The following HECTD4 variants were observed in gnomAD, a reference collection of about 807,000 sequenced individuals.
HECTD4 encodes HECT domain E3 ubiquitin protein ligase 4, also known as probable E3 ubiquitin-protein ligase HECTD4.
In HECTD4, 114 loss-of-function variants were observed where a neutral mutation model predicts 471.5. That is an observed-to-expected ratio of 0.24 (90% CI 0.21 to 0.28). HECTD4 has a LOEUF of 0.28. HECTD4 is among the 10% of genes least tolerant of loss of function. HECTD4 has a pLI of 1.00. For synonymous variants in HECTD4, 2,012 were observed against 2,256.0 expected, an observed-to-expected ratio of 0.89 and a Z score of 3.07; for missense variants, 3,866 against 5,651.5, an observed-to-expected ratio of 0.68 and a Z score of 10.13.
rs1273284544 is a variant in HECTD4 at position 112,193,699 on chromosome 12, T to C, written c.8750-25A>G. ...TCTGGGGACGGAAAGGAAACAGAAG[T>C]TGACAAGAATCAAAGCAGCCAGTAG... On this transcript the variant is annotated intron_variant, in intron 56 of 75. Transcript: ENST00000682272. The surrounding 1 kb of genome is among the most constrained non-coding windows in gnomAD (Gnocchi z 5.2). 1.3e-6 allele frequency: 2 copies of C among 1,592,428 alleles called. No homozygotes were observed. The highest frequency in any genetic ancestry group is 1.7e-6 in the Non-Finnish European group (2 of 1,168,692).
chr12:112,294,547 C>T lies in HECTD4; in HGVS notation c.1336-11245G>A, dbSNP rs372118169. ...ATTTCCATGTCCCCACAGTCCATTC[C>T]ATCATCCCCCTCCGATTTCTCTCCT... is the stretch of plus-strand genomic sequence containing the variant. On this transcript the variant is annotated intron_variant, in intron 7 of 75. Coordinates refer to ENST00000682272, the MANE Select transcript of HECTD4 (RefSeq NM_001388303.1). 2.7e-4 allele frequency among the ~76,000 whole-genome samples: 41 copies of T among 152,146 alleles called. 1 individual carries two copies. In the East Asian group the frequency reaches 7.5e-3, roughly 28 times the overall value.
intron 1 of HECTD4, among the ~76,000 whole-genome samples, chr12:112,376,756 C>T (rs1327265783): frequency 6.6e-6 from 1 of 152,168 alleles, no homozygotes; most frequent in Admixed American, 6.6e-5. Flanking sequence ...GGTATACTCC[C>T]TCCCTCCCTT....
rs374064102 is a variant in HECTD4, at chr12:112,204,539, A to G, written c.8216T>C (p.Ile2739Thr). The change falls in exon 53 of 76, where the codon ATT (isoleucine) becomes ACT (threonine). Residue 2739 changes from isoleucine (I) to threonine (T), a missense_variant. Transcript: ENST00000682272. ...GTTTGCTTCGTCTTTAATGTCTTCA[A>G]TGGTGGGAAGATAAAGGTCTCTTGG... is the stretch of plus-strand genomic sequence containing the variant. Reference protein sequence around the residue: ...GIPRDLYLPTIEDIKDEANKF... With the variant: ...GIPRDLYLPTTEDIKDEANKF... The G allele has an allele frequency of 2.5e-6, 4 of 1,613,598 alleles. No individual in the cohort carries two copies. Among genetic ancestry groups the G allele is most frequent in the African/African-American group, 2.7e-5 (2 of 74,930 alleles).
rs71956504 is a variant in HECTD4, at chr12:112,217,336, TACACACACAC to T, written c.7075-151_7075-142del. On this transcript the variant is annotated intron_variant, in intron 45 of 75. Coordinates refer to ENST00000682272, the MANE Select transcript of HECTD4 (RefSeq NM_001388303.1). ...ACACACATACACACACACACACACA[TACACACACAC>T]ACACACACACAATTTATTTATTTAG... 10 of 409,680 alleles carry T rather than the reference TACACACACAC, an allele frequency of 2.4e-5. No homozygotes were observed. In the East Asian group the frequency reaches 2.5e-4, roughly 10 times the overall value. The allele number at this position is 409,680 out of a possible 1,614,324, so 25.4% of individuals were successfully genotyped here. A position where few individuals can be genotyped will look rare whatever the true frequency, so the allele number is the denominator to read the frequency against.
At chr12:112,192,846 G>C (rs1308459543) in intron 58 of HECTD4, 81 bp from the exon 59 acceptor site, 1 of 1,305,404 alleles carries the variant, frequency 7.7e-7, no homozygotes, top group Non-Finnish European at 1.1e-6. Context: ...TCTCACCAGG[G>C]GACGTTAGAT....
Position 112,319,875 on chromosome 12 carries a change from G to T in HECTD4, c.178-133C>A. ...TTTTAATTACAATCAAATGGAAAAC[G>T]TATACTGTAAAGCCAGCTCTTTGCT... On this transcript the variant is annotated intron_variant, in intron 1 of 75. Transcript: ENST00000682272. The surrounding 1 kb of genome is among the most constrained non-coding windows in gnomAD (Gnocchi z 5.3). 1.6e-6 allele frequency: 1 copy of T among 612,552 alleles called. No individual in the cohort carries two copies. The highest frequency in any genetic ancestry group is 2.4e-6 in the Non-Finnish European group (1 of 421,818). 37.9% of individuals were successfully genotyped at this position (612,552 alleles called of 1,614,324 possible).
intron 8 of HECTD4, 132 bp from the exon 9 acceptor site, chr12:112,279,518 G>A: frequency 1.3e-6 from 1 of 764,946 alleles, no homozygotes; most frequent in Non-Finnish European, 2.0e-6. Flanking sequence ...TTCCAGATTA[G>A]GAAAACAGAA....
intron 7 of HECTD4, among the ~76,000 whole-genome samples, chr12:112,294,206 A>C (rs988378106): frequency 1.3e-5 from 2 of 152,174 alleles, no homozygotes; most frequent in African/African-American, 4.8e-5. Flanking sequence ...AGCACTTATC[A>C]ATACTCCTAA....
In HECTD4 at chr12:112,273,673, T is replaced by C. The variant is rs755761020; in HGVS notation, c.1924A>G (p.Ile642Val). 4 of 1,613,974 alleles carry C rather than the reference T, an allele frequency of 2.5e-6. No individual in the cohort carries two copies. In the Admixed American group the frequency reaches 6.7e-5, roughly 27 times the overall value. Residue 642 changes from isoleucine (I) to valine (V), a missense_variant, in exon 11 of 76, where the codon ATT (isoleucine) becomes GTT (valine). Ile to Val is a conservative substitution (Grantham distance 29). Around this residue, in one of 16 missense-constraint regions of HECTD4, gnomAD observed 525 missense variants for 672.6 expected, o/e 0.78. Transcript: ENST00000682272. The stretch of plus-strand genomic sequence containing the variant: ...ACCTCACCTTTGGGCTCAGTGATAA[T>C]GTGACTGACTCCAAGTCTCTGGCAG... ...YVCQRLGVSHIITEPKEEAIT... is the reference protein window; with the variant it reads ...YVCQRLGVSHVITEPKEEAIT...
Position 112,382,251 on chromosome 12 carries a change from T to A in HECTD4, c.-123A>T. 1 of 836,870 alleles carries A rather than the reference T, an allele frequency of 1.2e-6. No homozygotes were observed. Among genetic ancestry groups the A allele is most frequent in the Non-Finnish European group, 1.6e-6 (1 of 638,560 alleles). 51.8% of individuals were successfully genotyped at this position (836,870 alleles called of 1,614,324 possible). A position where few individuals can be genotyped will look rare whatever the true frequency, so the allele number is the denominator to read the frequency against. On this transcript the variant is annotated 5_prime_UTR_variant, in exon 1 of 76. Coordinates refer to ENST00000682272, the MANE Select transcript of HECTD4 (RefSeq NM_001388303.1). Reference sequence around the variant, plus strand: ...CGCCCGCCAGCGGCGCCCCACTTGCTGCCTCGCCCGTGCAACTCCGCCCTA... The same window carrying A: ...CGCCCGCCAGCGGCGCCCCACTTGCAGCCTCGCCCGTGCAACTCCGCCCTA...
chr12:112,184,633 T>G lies in HECTD4; in HGVS notation c.10333A>C (p.Lys3445Gln), dbSNP rs758141815. The change falls in exon 61 of 76, where the codon AAA (lysine) becomes CAA (glutamine). Residue 3445 changes from lysine to glutamine, a missense_variant. Lys to Gln is a moderately conservative substitution (Grantham distance 53). Transcript: ENST00000682272. This position sits in a 1 kb window ranked among gnomAD's most constrained non-coding sequence, Gnocchi z 9.1. ...PLQEEDTKKP[K>Q]DKAEGGDGKV... Reference sequence around the variant, plus strand: ...CCGTCCCCGCCCTCGGCCTTGTCTTTTGGCTTCTTGGTGTCTTCTTCCTGC... The same window carrying G: ...CCGTCCCCGCCCTCGGCCTTGTCTTGTGGCTTCTTGGTGTCTTCTTCCTGC... 4.0e-5 allele frequency: 64 copies of G among 1,613,794 alleles called. No individual in the cohort carries two copies. The highest frequency in any genetic ancestry group is 5.3e-5 in the Non-Finnish European group (62 of 1,179,886).
At chr12:112,209,969 G>A (rs933829225) in intron 50 of HECTD4, 46 bp downstream of exon 50, 67 of 1,446,512 alleles carry the variant, frequency 4.6e-5, no homozygotes, top group Non-Finnish European at 5.9e-5. Flanking sequence ...TAACATTCAT[G>A]GTCTCAGGAA....
chr12:112,264,016 A>G (rs1043174370), intron 17 of HECTD4, 68 bp downstream of exon 17: 4 of 1,440,894 alleles, frequency 2.8e-6, no homozygotes, highest in Non-Finnish European at 3.7e-6. Context: ...AAAACACAGA[A>G]ATTTAGCCAA....
intron 1 of HECTD4, among the ~76,000 whole-genome samples, chr12:112,376,453 A>G (rs1315010511): frequency 2.0e-5 from 3 of 151,858 alleles, no homozygotes; most frequent in South Asian, 2.1e-4. Flanking sequence ...TCACCGTGTT[A>G]GCCAGGATGG....
At chr12:112,329,444 T>G (rs1218491483) in intron 1 of HECTD4, among the ~76,000 whole-genome samples, 2 of 151,818 alleles carry the variant, frequency 1.3e-5, no homozygotes, top group African/African-American at 4.8e-5. Context: ...CTCAGCTTAT[T>G]GCAACCTCCG....
chr12:112,171,942 T>C (rs1269028633), intron 67 of HECTD4, among the ~76,000 whole-genome samples: 1 of 152,220 alleles, frequency 6.6e-6, no homozygotes, highest in Non-Finnish European at 1.5e-5. Flanking sequence ...TTGCTCTTGT[T>C]GCCCAGGCTG....
At chr12:112,250,028 G>T in intron 25 of HECTD4, 116 bp downstream of exon 25, 1 of 761,558 alleles carries the variant, frequency 1.3e-6, no homozygotes. Context: ...TAACATTCAT[G>T]GAGTAAACAT....
Position 112,248,064 on chromosome 12 carries a change from C to T in HECTD4, c.4248+3G>A, listed in dbSNP as rs374961373. 138 of 1,607,498 alleles carry T rather than the reference C, an allele frequency of 8.6e-5. No homozygotes were observed. The highest frequency in any genetic ancestry group is 4.7e-4 in the East Asian group (21 of 44,768). On this transcript the variant is annotated splice_donor_region_variant and intron_variant, in intron 27 of 75. Coordinates refer to ENST00000682272, the MANE Select transcript of HECTD4 (RefSeq NM_001388303.1). ...CCAGTGACAAATCATACAATTTGCT[C>T]ACCTCATTAAAATGGTAATCATAAA... is the stretch of plus-strand genomic sequence containing the variant.
Position 112,314,513 on chromosome 12 carries a change from A to T in HECTD4, c.729T>A (p.His243Gln), listed in dbSNP as rs983226278. Reference protein sequence around the residue: ...GSLKTFVHTVHLLQKQTDLGS... With the variant: ...GSLKTFVHTVQLLQKQTDLGS... ...CTAGATCCGTCTGTTTCTGTAATAGATGGACTGTGTGGACGAAAGTTTTCA... is the reference window on the plus strand; with the variant it reads ...CTAGATCCGTCTGTTTCTGTAATAGTTGGACTGTGTGGACGAAAGTTTTCA... The change falls in exon 3 of 76, where the codon CAT (histidine) becomes CAA (glutamine). Residue 243 changes from histidine (H) to glutamine (Q), a missense_variant. Around this residue, in one of 16 missense-constraint regions of HECTD4, gnomAD observed 440 missense variants for 636.0 expected, o/e 0.69. Coordinates refer to ENST00000682272, the MANE Select transcript of HECTD4 (RefSeq NM_001388303.1). 1 of 1,531,554 alleles carries T rather than the reference A, an allele frequency of 6.5e-7. No individual in the cohort carries two copies. Among genetic ancestry groups the T allele is most frequent in the African/African-American group, 1.4e-5 (1 of 73,068 alleles). The allele number at this position is 1,531,554 out of a possible 1,614,324, so 94.9% of individuals were successfully genotyped here.
Sources: gnomAD v4.1 joint callset for allele counts (sites outside exome capture counted in the v4.1 genomes callset) on GRCh38, gnomAD v4.1.1 for gene constraint, gnomAD v4.1.1 regional missense constraint, Gnocchi (gnomAD v3.1) non-coding constraint, MANE v1.5 for transcripts, NCBI Gene and HGNC (gene_info 2026-07-23, HGNC 2026-07-21) for gene names.